Variants in SLMAP observed in about 807,000 individuals in gnomAD.
SLMAP encodes sarcolemma associated protein, also known as sarcolemmal membrane-associated protein.
In SLMAP, 44 loss-of-function variants were observed where a neutral mutation model predicts 128.8. The ratio of observed to expected loss-of-function variants is 0.34; its 90% confidence interval spans 0.27 to 0.44. SLMAP has a LOEUF of 0.44. Ranked by LOEUF, SLMAP falls within the 20% of genes least tolerant of loss-of-function variation. The pLI, the probability that SLMAP is intolerant of heterozygous loss-of-function variation, is 1.00. For missense variants in SLMAP, 787 were observed against 985.3 expected, an observed-to-expected ratio of 0.80 and a Z score of 2.69; for synonymous variants, 327 against 348.8, an observed-to-expected ratio of 0.94 and a Z score of 0.70.
At chr3:57,826,905 T>C (rs2092966161) in intron 2 of SLMAP, among the ~76,000 whole-genome samples, 2 of 152,170 alleles carry the variant, frequency 1.3e-5, no homozygotes, top group African/African-American at 2.4e-5. Context: ...ATGCAGGTCT[T>C]GTGGCTTTTG....
chr3:57,861,909 C>T (rs1187948799), intron 9 of SLMAP, 40 bp from the exon 10 acceptor site: 10 of 1,551,286 alleles, frequency 6.4e-6, no homozygotes, highest in Non-Finnish European at 8.0e-6. Flanking sequence ...AACAAATATA[C>T]ACTTATTCTA....
chr3:57,796,870 T>C (rs143534610), intron 2 of SLMAP, among the ~76,000 whole-genome samples: 37 of 152,310 alleles, frequency 2.4e-4, no homozygotes, highest in African/African-American at 7.2e-4. Flanking sequence ...AATATGTCTC[T>C]AAAATTTTTT....
rs1191623604 is a variant in SLMAP, at chr3:57,759,456, T to C, written c.198+1607T>C. On this transcript the variant is annotated intron_variant, in intron 2 of 24. Coordinates refer to ENST00000671191, the MANE Select transcript of SLMAP (RefSeq NM_001377540.1). Reference sequence around the variant, plus strand: ...CCATGCCTGGTTAATTTTGTATTTTTAGTAGAGACAGGGTTTCACCATGTT... The same window carrying C: ...CCATGCCTGGTTAATTTTGTATTTTCAGTAGAGACAGGGTTTCACCATGTT... Among the ~76,000 whole-genome samples the C allele has an allele frequency of 3.3e-5, 5 of 152,284 alleles. No homozygotes were observed. The South Asian group carries it at 8.3e-4, about 25-fold the overall frequency.
At chr3:57,775,507 T>TAAAAA (rs1491354912) in intron 2 of SLMAP, among the ~76,000 whole-genome samples, 1 of 27,294 alleles carries the variant, frequency 3.7e-5, no homozygotes, top group African/African-American at 9.3e-5. Context: ...ACCCTGTTGG[T>TAAAAA]ACAAAAAAAA....
At chr3:57,920,172 A>G (rs1268631373) in intron 22 of SLMAP, among the ~76,000 whole-genome samples, 1 of 152,278 alleles carries the variant, frequency 6.6e-6, no homozygotes, top group Non-Finnish European at 1.5e-5. Flanking sequence ...TGTAGGTACA[A>G]TGACTTTGCC....
chr3:57,882,479 T>C (rs914690273), intron 14 of SLMAP, among the ~76,000 whole-genome samples: 1 of 152,186 alleles, frequency 6.6e-6, no homozygotes, highest in Admixed American at 6.5e-5. Context: ...ACCCTAAGAC[T>C]GAGATTGGAG....
chr3:57,919,022 CAAATTA>C (rs1444366481), intron 22 of SLMAP, among the ~76,000 whole-genome samples: 5 of 152,098 alleles, frequency 3.3e-5, no homozygotes, highest in Admixed American at 6.6e-5. Flanking sequence ...CTTTGTTGCA[CAAATTA>C]AAATTTATAT....
At chr3:57,811,758 T>C (rs955619385) in intron 2 of SLMAP, among the ~76,000 whole-genome samples, 1 of 152,206 alleles carries the variant, frequency 6.6e-6, no homozygotes, top group Non-Finnish European at 1.5e-5. Context: ...ATTTTCTACT[T>C]TTTTTGAGAG....
intron 4 of SLMAP, among the ~76,000 whole-genome samples, chr3:57,842,179 GA>G (rs2093968476): frequency 6.6e-6 from 1 of 152,122 alleles, no homozygotes; most frequent in Non-Finnish European, 1.5e-5. Context: ...AGGAAAGTGA[GA>G]AGGAAAGATT....
chr3:57,897,237 A>G (rs2096264937), intron 17 of SLMAP: 1 of 560,414 alleles, frequency 1.8e-6, no homozygotes, highest in Non-Finnish European at 2.7e-6. Flanking sequence ...CGCTTTTAAC[A>G]TAATTAGAAT....
intron 2 of SLMAP, among the ~76,000 whole-genome samples, chr3:57,813,226 G>C (rs1183400274): frequency 6.6e-6 from 1 of 151,826 alleles, no homozygotes; most frequent in East Asian, 1.9e-4. Context: ...GTCTCGAGCA[G>C]CTGGGATTAC....
chr3:57,907,016 G>T (rs868614578), intron 17 of SLMAP, among the ~76,000 whole-genome samples: 2 of 151,330 alleles, frequency 1.3e-5, no homozygotes, highest in East Asian at 1.9e-4. Flanking sequence ...GCAGATTTTT[G>T]TTGTTGTTGC....
chr3:57,874,611 A>G (rs919819060), intron 14 of SLMAP, among the ~76,000 whole-genome samples: 1 of 151,978 alleles, frequency 6.6e-6, no homozygotes, highest in Non-Finnish European at 1.5e-5. Context: ...TGTAATCCCA[A>G]CACTTTGGGA....
At chr3:57,840,348 T>C (rs1450733157) in intron 3 of SLMAP, among the ~76,000 whole-genome samples, 3 of 152,244 alleles carry the variant, frequency 2.0e-5, no homozygotes, top group African/African-American at 4.8e-5. Context: ...TTGACAAATA[T>C]ATATGGTCTC....
intron 4 of SLMAP, among the ~76,000 whole-genome samples, chr3:57,845,806 A>G (rs936789921): frequency 6.6e-6 from 1 of 151,714 alleles, no homozygotes; most frequent in East Asian, 1.9e-4. Flanking sequence ...AATATCCCCA[A>G]TAACTCCATG....
chr3:57,919,585 G>A (rs568642699), intron 22 of SLMAP, among the ~76,000 whole-genome samples: 8 of 151,680 alleles, frequency 5.3e-5, no homozygotes, highest in East Asian at 2.0e-4. Flanking sequence ...ACCTGAGGTC[G>A]GCAGTTCGAG....
chr3:57,840,261 G>A (rs1228769633), intron 3 of SLMAP, among the ~76,000 whole-genome samples: 1 of 152,224 alleles, frequency 6.6e-6, no homozygotes, highest in Non-Finnish European at 1.5e-5. Flanking sequence ...GCCAACATTA[G>A]CTCTATTCTT....
rs970234361 is a variant in SLMAP, at chr3:57,914,587, AT to A, written c.2138+1324del. On this transcript the variant is annotated intron_variant, in intron 21 of 24. Transcript: ENST00000671191. ...ATCTCATATATAGCTATATACATAAATTTTTTTTTTTTGAGACGGAGTTTTG... is the reference window on the plus strand; with the variant it reads ...ATCTCATATATAGCTATATACATAAATTTTTTTTTTTGAGACGGAGTTTTG... 2.6e-4 allele frequency among the ~76,000 whole-genome samples: 38 copies of A among 147,708 alleles called. 2 individuals are homozygous for A. The highest frequency in any genetic ancestry group is 1.9e-3 in the South Asian group (9 of 4,674).
intron 2 of SLMAP, among the ~76,000 whole-genome samples, chr3:57,819,240 C>T (rs2092266179): frequency 6.6e-6 from 1 of 152,128 alleles, no homozygotes; most frequent in African/African-American, 2.4e-5. Flanking sequence ...AAAGAATTAA[C>T]TATGACTAAA....
Sources: gnomAD v4.1 joint callset for allele counts (sites outside exome capture counted in the v4.1 genomes callset) on GRCh38, gnomAD v4.1.1 for gene constraint, MANE v1.5 for transcripts, NCBI Gene and HGNC (gene_info 2026-07-23, HGNC 2026-07-21) for gene names.